The following SP4 variants were observed in gnomAD, a reference collection of about 807,000 sequenced individuals.
SP4 encodes transcription factor Sp4.
Under a neutral mutation model 72.8 loss-of-function variants are expected in SP4, and 19 were observed. The observed-to-expected ratio is 0.26, with a 90% CI of 0.18 to 0.38. SP4 has a LOEUF of 0.38. Ranked by LOEUF, SP4 falls within the 10% of genes least tolerant of loss-of-function variation. The pLI is 1.00. For missense variants in SP4, 1,008 were observed against 926.3 expected (o/e 1.09, Z -1.14); for synonymous variants, 395 against 333.1 (o/e 1.19, Z -2.02).
chr7:21,501,549 G>A lies in SP4; in HGVS notation c.2108-9473G>A, dbSNP rs185078141. Among the ~76,000 whole-genome samples, 1,463 of 152,250 alleles carry A rather than the reference G, an allele frequency of 9.6e-3. 25 individuals carry two copies. The highest frequency in any genetic ancestry group is 0.033 in the African/African-American group (1,364 of 41,536). On this transcript the variant is annotated intron_variant, in intron 5 of 5. Transcript: ENST00000222584. Reference sequence around the variant, plus strand: ...TCTCTGTGCTAGTCCCCCCACACAAGGGTTAATACAAAAATCCCACTGCTG... The same window carrying A: ...TCTCTGTGCTAGTCCCCCCACACAAAGGTTAATACAAAAATCCCACTGCTG...
chr7:21,434,502 T>G (rs989958621), intron 3 of SP4, among the ~76,000 whole-genome samples: 1 of 152,354 alleles, frequency 6.6e-6, no homozygotes, highest in African/African-American at 2.4e-5. Context: ...CTGACCTTCA[T>G]GCTAAGCATT....
Position 21,511,115 on chromosome 7 carries a change from G to C in SP4, c.2201G>C (p.Gly734Ala), listed in dbSNP as rs780805513. ...KHVKTHQNKK[G>A]GGTALAIVTS... Reference sequence around the variant, plus strand: ...GTCAAAACGCACCAGAATAAAAAAGGTGGTGGGACAGCTCTTGCCATTGTT... The same window carrying C: ...GTCAAAACGCACCAGAATAAAAAAGCTGGTGGGACAGCTCTTGCCATTGTT... The change falls in exon 6 of 6, where the codon GGT becomes GCT. Residue 734 changes from glycine to alanine, a missense_variant. Gly to Ala is a moderately conservative substitution (Grantham distance 60, BLOSUM62 0). Around this residue, in one of 3 missense-constraint regions of SP4, gnomAD observed 67 missense variants for 66.1 expected, o/e 1.01. Coordinates refer to ENST00000222584, the MANE Select transcript of SP4 (RefSeq NM_003112.5). The C allele has an allele frequency of 1.9e-5, 30 of 1,614,192 alleles. No homozygotes were observed. Among genetic ancestry groups the C allele is most frequent in the Non-Finnish European group, 2.5e-5 (29 of 1,180,022 alleles).
chr7:21,429,251 T>TCCCC, intron 2 of SP4, 38 bp from the exon 3 acceptor site: 1 of 1,026,076 alleles, frequency 9.7e-7, no homozygotes, highest in South Asian at 1.6e-5. Context: ...CCACTTTTTT[T>TCCCC]CCCCCCCCCC....
At chr7:21,474,859 A>C (rs1340211723) in intron 3 of SP4, among the ~76,000 whole-genome samples, 1 of 152,210 alleles carries the variant, frequency 6.6e-6, no homozygotes, top group African/African-American at 2.4e-5. Context: ...ATCCTTACTA[A>C]AACAGTGACA....
intron 3 of SP4, among the ~76,000 whole-genome samples, chr7:21,469,482 A>G (rs1784263442): frequency 6.6e-6 from 1 of 152,146 alleles, no homozygotes; most frequent in African/African-American, 2.4e-5. Context: ...TATTTTCATC[A>G]AAATAGGTAG....
chr7:21,440,196 C>G (rs1172646000), intron 3 of SP4, among the ~76,000 whole-genome samples: 2 of 152,138 alleles, frequency 1.3e-5, no homozygotes, highest in Non-Finnish European at 2.9e-5. Context: ...GGGCAAACAT[C>G]ATAATTGTAG....
chr7:21,509,158 T>G (rs1782082462), intron 5 of SP4, among the ~76,000 whole-genome samples: 1 of 152,190 alleles, frequency 6.6e-6, no homozygotes, highest in Non-Finnish European at 1.5e-5. Context: ...CATTCTTATC[T>G]TGTTCCTGAT....
chr7:21,451,737 G>A (rs1783609260), intron 3 of SP4, among the ~76,000 whole-genome samples: 1 of 152,180 alleles, frequency 6.6e-6, no homozygotes, highest in South Asian at 2.1e-4. Flanking sequence ...GGATCATCTG[G>A]AGCTGGATGG....
chr7:21,487,759 ATGATGGTGGTGGTGG>A (rs1334225894), intron 5 of SP4, among the ~76,000 whole-genome samples: 3 of 132,768 alleles, frequency 2.3e-5, no homozygotes, highest in Non-Finnish European at 4.6e-5. Context: ...GATGATGATG[ATGATGGTGGTGGTGG>A]TGGTGGTGGT....
chr7:21,482,650 C>G (rs1272209673), intron 5 of SP4: 3 of 984,618 alleles, frequency 3.0e-6, no homozygotes, highest in Non-Finnish European at 3.6e-6. Flanking sequence ...TACCCTTTCA[C>G]CTTTCAAAGA....
chr7:21,509,424 T>C (rs1191734651), intron 5 of SP4, among the ~76,000 whole-genome samples: 1 of 152,080 alleles, frequency 6.6e-6, no homozygotes, highest in Non-Finnish European at 1.5e-5. Flanking sequence ...AATAACCTGT[T>C]GTACTTTTTA....
chr7:21,440,291 A>T (rs986182291), intron 3 of SP4, among the ~76,000 whole-genome samples: 2 of 152,164 alleles, frequency 1.3e-5, no homozygotes, highest in African/African-American at 4.8e-5. Flanking sequence ...TAGGTAAGTT[A>T]ATATGTATGA....
At chr7:21,510,941 T>C in intron 5 of SP4, 81 bp from the exon 6 acceptor site, 1 of 1,360,952 alleles carries the variant, frequency 7.3e-7, no homozygotes, top group Non-Finnish European at 1.0e-6. Context: ...TCATATAATG[T>C]GACCAGAAGG....
At chr7:21,433,000 A>G (rs1782916796) in intron 3 of SP4, among the ~76,000 whole-genome samples, 1 of 152,106 alleles carries the variant, frequency 6.6e-6, no homozygotes, top group Non-Finnish European at 1.5e-5. Flanking sequence ...TCTCAAACAA[A>G]CAAACTCACT....
chr7:21,461,743 C>T lies in SP4; in HGVS notation c.1679-15336C>T, dbSNP rs964306639. Among the ~76,000 whole-genome samples the T allele has an allele frequency of 5.3e-5, 8 of 152,218 alleles. 1 individual carries two copies. Among genetic ancestry groups the T allele is most frequent in the Admixed American group, 3.3e-4 (5 of 15,304 alleles). On this transcript the variant is annotated intron_variant, in intron 3 of 5. Transcript: ENST00000222584. ...CCTCAAGCGCAGCCAGAATGGGCGC[C>T]GAGGCCGAGGAGGCACCGAGAGTGA... is the stretch of plus-strand genomic sequence containing the variant.
intron 5 of SP4, among the ~76,000 whole-genome samples, chr7:21,491,824 A>T (rs1784987146): frequency 6.6e-6 from 1 of 152,236 alleles, no homozygotes; most frequent in Admixed American, 6.5e-5. Flanking sequence ...GATACTTCCA[A>T]AGGAAAACTA....
intron 3 of SP4, among the ~76,000 whole-genome samples, chr7:21,462,034 T>TG (rs1444291534): frequency 6.7e-6 from 1 of 150,010 alleles, no homozygotes; most frequent in Non-Finnish European, 1.5e-5. Flanking sequence ...TTAGTTTTTT[T>TG]TTTTTTTTTT....
chr7:21,464,287 AG>A (rs1784094041), intron 3 of SP4, among the ~76,000 whole-genome samples: 1 of 151,804 alleles, frequency 6.6e-6, no homozygotes, highest in African/African-American at 2.4e-5. Flanking sequence ...TAGTGGAGAC[AG>A]GGTTTCACTG....
chr7:21,505,471 G>T (rs1781969551), intron 5 of SP4, among the ~76,000 whole-genome samples: 1 of 152,164 alleles, frequency 6.6e-6, no homozygotes, highest in Non-Finnish European at 1.5e-5. Context: ...CTTTTTCTAA[G>T]ATTTGACCAA....
Sources: gnomAD v4.1 joint callset for allele counts (sites outside exome capture counted in the v4.1 genomes callset) on GRCh38, gnomAD v4.1.1 for gene constraint, gnomAD v4.1.1 regional missense constraint, MANE v1.5 for transcripts, NCBI Gene and HGNC (gene_info 2026-07-23, HGNC 2026-07-21) for gene names.